RBFOX1: variants seen among roughly 807,000 people sequenced by gnomAD.
RBFOX1 encodes RNA binding protein fox-1 homolog 1.
A neutral mutation model predicts 57.7 loss-of-function variants in RBFOX1; 8 were observed. The observed-to-expected ratio is 0.14, with a 90% CI of 0.08 to 0.25. The LOEUF is 0.25. Ranked by LOEUF, RBFOX1 falls within the 10% of genes least tolerant of loss-of-function variation. The pLI, the probability that RBFOX1 is intolerant of heterozygous loss-of-function variation, is 1.00. For missense variants in RBFOX1, 611 were observed against 548.5 expected, an observed-to-expected ratio of 1.11 and a Z score of -1.14; for synonymous variants, 326 against 222.4, an observed-to-expected ratio of 1.47 and a Z score of -4.15.
At position 7,017,480 on chromosome 16, in the gene RBFOX1, T is replaced by C. The variant is rs1249816950; in HGVS notation, c.-15-34577T>C. ...ACACACTGACGCGCGCACACATGCT[T>C]GTAAAATATAGCCAGATACTGCTAA... On this transcript the variant is annotated intron_variant, in intron 3 of 15. Coordinates refer to ENST00000550418, the MANE Select transcript of RBFOX1 (RefSeq NM_018723.4). Among the ~76,000 whole-genome samples the C allele has an allele frequency of 2.6e-5, 4 of 152,100 alleles. No individual in the cohort carries two copies. The East Asian group carries it at 5.8e-4, about 22-fold the overall frequency.
intron 2 of RBFOX1, among the ~76,000 whole-genome samples, chr16:6,351,120 A>T (rs2086278245): frequency 6.6e-6 from 1 of 152,086 alleles, no homozygotes; most frequent in Non-Finnish European, 1.5e-5. Flanking sequence ...TAAAAGACAT[A>T]ATGGAGTCCC....
intron 1 of RBFOX1, among the ~76,000 whole-genome samples, chr16:5,425,353 C>G (rs927223107): frequency 2.6e-5 from 4 of 152,124 alleles, no homozygotes; most frequent in Non-Finnish European, 4.4e-5. Context: ...ATCCGCCCAC[C>G]TTGGCCTCCC....
At chr16:5,922,876 G>T (rs2215262) in intron 4 of RBFOX1, among the ~76,000 whole-genome samples, 36,909 of 152,182 alleles carry the variant, frequency 0.24, 5,406 homozygotes, top group South Asian at 0.45. Flanking sequence ...CAACCACTGG[G>T]CTTGGCAGAC....
At chr16:5,514,773 G>A (rs1202398806) in intron 2 of RBFOX1, among the ~76,000 whole-genome samples, 1 of 152,156 alleles carries the variant, frequency 6.6e-6, no homozygotes, top group Non-Finnish European at 1.5e-5. Context: ...GGAATCAGAA[G>A]AGGGAGAGAG....
intron 2 of RBFOX1, among the ~76,000 whole-genome samples, chr16:6,401,811 C>A (rs1260982543): frequency 1.3e-5 from 2 of 151,752 alleles, no homozygotes; most frequent in Non-Finnish European, 2.9e-5. Flanking sequence ...ATGATTATTT[C>A]TTGGGCAGCT....
chr16:7,448,385 G>A (rs1315573147), intron 4 of RBFOX1, among the ~76,000 whole-genome samples: 1 of 152,150 alleles, frequency 6.6e-6, no homozygotes, highest in South Asian at 2.1e-4. Context: ...CACATTGCTG[G>A]GGAGACCTCA....
chr16:5,907,680 A>C (rs1354511458), intron 4 of RBFOX1, among the ~76,000 whole-genome samples: 1 of 152,076 alleles, frequency 6.6e-6, no homozygotes, highest in Admixed American at 6.6e-5. Flanking sequence ...AGACATGCCT[A>C]CTTGCTGGTA....
At chr16:6,819,383 G>T (rs940324448) in intron 3 of RBFOX1, among the ~76,000 whole-genome samples, 1 of 152,096 alleles carries the variant, frequency 6.6e-6, no homozygotes, top group Admixed American at 6.5e-5. Flanking sequence ...CTTTAACATG[G>T]CTGTAGAGTT....
At chr16:5,990,074 C>T (rs1401471859) in intron 4 of RBFOX1, among the ~76,000 whole-genome samples, 2 of 152,162 alleles carry the variant, frequency 1.3e-5, no homozygotes, top group African/African-American at 2.4e-5. Flanking sequence ...CAGCCTCAAA[C>T]TCCTGGGTTC....
Position 6,909,329 on chromosome 16 carries a change from C to T in RBFOX1, c.-15-142728C>T, listed in dbSNP as rs546823549. Among the ~76,000 whole-genome samples the T allele has an allele frequency of 1.5e-3, 229 of 152,296 alleles. 1 individual carries two copies. The highest frequency in any genetic ancestry group is 2.6e-3 in the Non-Finnish European group (174 of 68,028). On this transcript the variant is annotated intron_variant, in intron 3 of 15. Transcript: ENST00000550418. ...TCACATACCTCCTTCTCTGGTCTTC[C>T]TCTTGTAAGGAACTTTGTGATTACT...
At chr16:5,405,713 C>T (rs769311595) in intron 1 of RBFOX1, among the ~76,000 whole-genome samples, 3 of 152,116 alleles carry the variant, frequency 2.0e-5, no homozygotes, top group East Asian at 1.9e-4. Context: ...ACTTGGTTTG[C>T]GGGGATAAGT....
rs1236954221 is a variant in RBFOX1 at position 6,913,002 on chromosome 16, T to C, written c.-15-139055T>C. On this transcript the variant is annotated intron_variant, in intron 3 of 15. Coordinates refer to ENST00000550418, the MANE Select transcript of RBFOX1 (RefSeq NM_018723.4). ...CTGTTACCCAACACTGTGCTTTATA[T>C]TCTACTTCCTATTTCTGCTGGGTGA... Among the ~76,000 whole-genome samples, 4 of 152,032 alleles carry C rather than the reference T, an allele frequency of 2.6e-5. No homozygotes were observed. In the East Asian group the frequency reaches 7.8e-4, roughly 30 times the overall value.
At chr16:7,465,746 C>G (rs1039118409) in intron 4 of RBFOX1, among the ~76,000 whole-genome samples, 2 of 152,120 alleles carry the variant, frequency 1.3e-5, no homozygotes, top group African/African-American at 4.8e-5. Context: ...CCTCTTCAAG[C>G]CGATGAATCA....
intron 1 of RBFOX1, among the ~76,000 whole-genome samples, chr16:6,174,822 A>C (rs1297693199): frequency 1.3e-5 from 2 of 152,180 alleles, no homozygotes; most frequent in Admixed American, 1.3e-4. Flanking sequence ...CTGATCAGCT[A>C]AGCTTTCTCT....
intron 3 of RBFOX1, among the ~76,000 whole-genome samples, chr16:6,817,619 T>A (rs558135218): frequency 8.8e-4 from 132 of 149,894 alleles, no homozygotes; most frequent in Non-Finnish European, 1.7e-3. Flanking sequence ...GGCAAGAGAA[T>A]CACTTGAACC....
chr16:7,585,834 A>G (rs2094087684), intron 6 of RBFOX1, among the ~76,000 whole-genome samples: 1 of 151,936 alleles, frequency 6.6e-6, no homozygotes, highest in South Asian at 2.1e-4. Context: ...GTCTCTGGAT[A>G]CTCTATGACT....
chr16:7,292,210 A>C (rs1200369445), intron 4 of RBFOX1, among the ~76,000 whole-genome samples: 1 of 107,990 alleles, frequency 9.3e-6, no homozygotes, highest in East Asian at 2.5e-4. Context: ...TATATATCAT[A>C]TATATGATAT....
chr16:7,627,182 T>C (rs1452509477), intron 10 of RBFOX1, among the ~76,000 whole-genome samples: 1 of 139,832 alleles, frequency 7.2e-6, no homozygotes, highest in Non-Finnish European at 1.5e-5. Context: ...TTCAATTCTA[T>C]TTGACAAAAA....
chr16:6,025,172 A>C (rs1337468406), intron 1 of RBFOX1, among the ~76,000 whole-genome samples: 3 of 152,178 alleles, frequency 2.0e-5, no homozygotes, highest in Admixed American at 2.0e-4. Flanking sequence ...ATAAACAAGC[A>C]TGCCTTCCTG....
Sources: gnomAD v4.1 joint callset for allele counts (sites outside exome capture counted in the v4.1 genomes callset) on GRCh38, gnomAD v4.1.1 for gene constraint, MANE v1.5 for transcripts, NCBI Gene and HGNC (gene_info 2026-07-23, HGNC 2026-07-21) for gene names.